UBE3A: variants seen among roughly 807,000 people sequenced by gnomAD.
UBE3A encodes ubiquitin protein ligase E3A.
A neutral mutation model predicts 83.4 loss-of-function variants in UBE3A; 6 were observed. The observed-to-expected ratio is 0.07, with a 90% CI of 0.04 to 0.14. UBE3A has a LOEUF of 0.14. Among genes scored for constraint, UBE3A ranks in the 10% least tolerant of loss-of-function variants. The pLI is 1.00. For synonymous variants in UBE3A, 337 were observed against 355.4 expected (o/e 0.95, Z 0.58); for missense variants, 456 against 1,036.1 (o/e 0.44, Z 7.69).
chr15:25,340,829 G>A (rs776765792), intron 11 of UBE3A, among the ~76,000 whole-genome samples: 17 of 152,060 alleles, frequency 1.1e-4, no homozygotes, highest in Non-Finnish European at 2.4e-4. Context: ...CTTTAAACAA[G>A]TAATATGTGC....
At chr15:25,402,821 C>T (rs2087506053) in intron 4 of UBE3A, among the ~76,000 whole-genome samples, 2 of 152,170 alleles carry the variant, frequency 1.3e-5, no homozygotes, top group Non-Finnish European at 2.9e-5. Flanking sequence ...GGTAATCTCT[C>T]GTCTGGTTTC....
intron 6 of UBE3A, among the ~76,000 whole-genome samples, chr15:25,361,418 C>T (rs2152737630): frequency 6.6e-6 from 1 of 152,248 alleles, no homozygotes. Flanking sequence ...GCAACTGCAC[C>T]CAGCCCTTAT....
At chr15:25,356,551 C>A in intron 8 of UBE3A, 140 bp downstream of exon 8, 1 of 841,384 alleles carries the variant, frequency 1.2e-6, no homozygotes, top group East Asian at 2.7e-5. Context: ...GTACTTCGGT[C>A]AGATTAAAAC....
Position 25,336,490 on chromosome 15 carries a change from C to G in UBE3A, c.*2647G>C, listed in dbSNP as rs1435106813. 1 of 152,076 alleles carries G rather than the reference C, an allele frequency of 6.6e-6. No individual in the cohort carries two copies. Among genetic ancestry groups the G allele is most frequent in the African/African-American group, 2.4e-5 (1 of 41,412 alleles). The allele number at this position is 152,076 out of a possible 1,614,324, so 9.4% of individuals were successfully genotyped here. ...CATCTGTTCTAACAGAATGTCTGTACCGAGGAGGGATGAGTAACATCGGCA... is the reference window on the plus strand; with the variant it reads ...CATCTGTTCTAACAGAATGTCTGTAGCGAGGAGGGATGAGTAACATCGGCA... On this transcript the variant is annotated 3_prime_UTR_variant, in exon 13 of 13. Transcript: ENST00000648336.
chr15:25,400,994 A>G (rs1596184551), intron 4 of UBE3A, among the ~76,000 whole-genome samples: 1 of 152,182 alleles, frequency 6.6e-6, no homozygotes, highest in African/African-American at 2.4e-5. Context: ...ATTTTTTAAA[A>G]TTTTGTAGCA....
chr15:25,341,538 T>C (rs1487438214), intron 11 of UBE3A, among the ~76,000 whole-genome samples: 1 of 151,618 alleles, frequency 6.6e-6, no homozygotes, highest in East Asian at 1.9e-4. Context: ...CTGAGGCCAG[T>C]GGATCACCTG....
chr15:25,437,850 A>AGG (rs571132075), intron 1 of UBE3A, among the ~76,000 whole-genome samples: 31 of 151,584 alleles, frequency 2.0e-4, no homozygotes, highest in African/African-American at 2.9e-4. Flanking sequence ...TACACTGAAA[A>AGG]GGGGGGGGAA....
intron 11 of UBE3A, among the ~76,000 whole-genome samples, chr15:25,352,874 GC>G (rs2076707276): frequency 6.6e-6 from 1 of 152,146 alleles, no homozygotes; most frequent in Admixed American, 6.5e-5. Context: ...ACACTAGTTT[GC>G]CCTTCAAATC....
chr15:25,354,232 T>C (rs1207600854), intron 11 of UBE3A, 121 bp downstream of exon 11: 2 of 819,894 alleles, frequency 2.4e-6, no homozygotes, highest in South Asian at 1.4e-5. Flanking sequence ...AATCTAAGTA[T>C]ATAGATGACA....
intron 12 of UBE3A, 60 bp downstream of exon 12, chr15:25,340,025 A>T (rs1370142834): frequency 5.4e-5 from 87 of 1,598,076 alleles, no homozygotes; most frequent in Non-Finnish European, 7.4e-5. Flanking sequence ...GTTCATATGT[A>T]TGTGACGAGG....
At chr15:25,420,194 A>G (rs572040448) in intron 1 of UBE3A, among the ~76,000 whole-genome samples, 3 of 152,202 alleles carry the variant, frequency 2.0e-5, no homozygotes, top group African/African-American at 7.2e-5. Context: ...TAATCATAAG[A>G]AAGGAATGGA....
rs2074274186 is a variant in UBE3A at position 25,339,094 on chromosome 15, T to C, written c.*43A>G. The C allele has an allele frequency of 6.7e-7, 1 of 1,486,432 alleles. No homozygotes were observed. Among genetic ancestry groups the C allele is most frequent in the African/African-American group, 1.4e-5 (1 of 69,876 alleles). The allele number at this position is 1,486,432 out of a possible 1,614,324, so 92.1% of individuals were successfully genotyped here. A position where few individuals can be genotyped will look rare whatever the true frequency, so the allele number is the denominator to read the frequency against. On this transcript the variant is annotated 3_prime_UTR_variant, in exon 13 of 13. Transcript: ENST00000648336. ...TTAAAATTTTTTAAATTTTTTCTTT[T>C]TTTTTCCTTCCTTTTTTTTGTTTTA...
intron 1 of UBE3A, 93 bp downstream of exon 1, chr15:25,438,396 G>A (rs976594992): frequency 1.3e-5 from 2 of 152,414 alleles, no homozygotes; most frequent in Non-Finnish European, 2.9e-5. Flanking sequence ...GGCGGGGAAG[G>A]GGGGTGTCGA....
At position 25,338,107 on chromosome 15, in the gene UBE3A, C is replaced by CAACAAGATGATGG. The variant is rs2074112478; in HGVS notation, c.*1017_*1029dup. On this transcript the variant is annotated 3_prime_UTR_variant, in exon 13 of 13. Coordinates refer to ENST00000648336, the MANE Select transcript of UBE3A (RefSeq NM_130839.5). ...ACGTGCCTCGATAAAATGGCTGATTCAACAAGATGATGGCAACACGAAGGG... is the reference window on the plus strand; with the variant it reads ...ACGTGCCTCGATAAAATGGCTGATTCAACAAGATGATGGAACAAGATGATGGCAACACGAAGGG... The CAACAAGATGATGG allele has an allele frequency of 6.6e-6, 1 of 152,022 alleles. No individual in the cohort carries two copies. Among genetic ancestry groups the CAACAAGATGATGG allele is most frequent in the Non-Finnish European group, 1.5e-5 (1 of 67,978 alleles). 9.4% of individuals were successfully genotyped at this position (152,022 alleles called of 1,614,324 possible).
intron 1 of UBE3A, among the ~76,000 whole-genome samples, chr15:25,437,138 G>A (rs1054553038): frequency 1.3e-5 from 2 of 152,058 alleles, no homozygotes; most frequent in Admixed American, 1.3e-4. Context: ...CATCCTTAGG[G>A]CTTATCAGTA....
chr15:25,399,087 T>C (rs187399944), intron 4 of UBE3A, among the ~76,000 whole-genome samples: 2 of 151,900 alleles, frequency 1.3e-5, no homozygotes, highest in Non-Finnish European at 1.5e-5. Flanking sequence ...GAGTTCCTTA[T>C]ATATTTTGCA....
At chr15:25,436,558 G>T (rs916190330) in intron 1 of UBE3A, among the ~76,000 whole-genome samples, 3 of 152,054 alleles carry the variant, frequency 2.0e-5, no homozygotes, top group Non-Finnish European at 4.4e-5. Context: ...GGAGGGGAGA[G>T]GGAGGAGATT....
At chr15:25,344,486 C>T (rs1277840955) in intron 11 of UBE3A, among the ~76,000 whole-genome samples, 3 of 152,030 alleles carry the variant, frequency 2.0e-5, no homozygotes, top group Non-Finnish European at 2.9e-5. Flanking sequence ...AATGAATGTT[C>T]GAGATTAGTT....
chr15:25,433,421 C>A (rs11161176), intron 1 of UBE3A, among the ~76,000 whole-genome samples: 1 of 151,874 alleles, frequency 6.6e-6, no homozygotes, highest in African/African-American at 2.4e-5. Flanking sequence ...CTCCTGATCT[C>A]GTGATCCGCC....
Sources: allele counts gnomAD v4.1 joint callset (sites outside exome capture counted in the v4.1 genomes callset), GRCh38; gene constraint gnomAD v4.1.1; transcripts MANE v1.5; gene names NCBI Gene and HGNC (gene_info 2026-07-23, HGNC 2026-07-21).